PPARGC1A: variants seen among roughly 807,000 people sequenced by gnomAD.
PPARGC1A encodes peroxisome proliferator-activated receptor gamma coactivator 1-alpha.
In PPARGC1A, 25 loss-of-function variants were observed where a neutral mutation model predicts 88.7. The ratio of observed to expected loss-of-function variants is 0.28; its 90% confidence interval spans 0.21 to 0.39. PPARGC1A has a LOEUF of 0.39. PPARGC1A is among the 10% of genes least tolerant of loss of function. The pLI, the probability that PPARGC1A is intolerant of heterozygous loss-of-function variation, is 1.00. For synonymous variants in PPARGC1A, 363 were observed against 355.6 expected (o/e 1.02, Z -0.24); for missense variants, 880 against 968.7 (o/e 0.91, Z 1.22).
At chr4:23,855,164 T>C (rs2148681611) in intron 2 of PPARGC1A, among the ~76,000 whole-genome samples, 1 of 152,280 alleles carries the variant, frequency 6.6e-6, no homozygotes, top group African/African-American at 2.4e-5. Context: ...TTTCACCTCC[T>C]GCCACAATTG....
At chr4:23,981,355 T>C in the PPARGC1A span, among the ~76,000 whole-genome samples, 4 of 152,150 alleles carry the variant, frequency 2.6e-5, no homozygotes, top group African/African-American at 9.7e-5. Context: ...GTTCTTTACT[T>C]TTCAACTTAG....
At chr4:24,251,483 C>T in the PPARGC1A span, among the ~76,000 whole-genome samples, 1 of 152,198 alleles carries the variant, frequency 6.6e-6, no homozygotes, top group South Asian at 2.1e-4. Flanking sequence ...CTTTTGCCTC[C>T]CTTTTCCTGC....
At chr4:24,394,992 G>T in the PPARGC1A span, among the ~76,000 whole-genome samples, 1 of 152,200 alleles carries the variant, frequency 6.6e-6, no homozygotes, top group African/African-American at 2.4e-5. Flanking sequence ...TATAACTAGA[G>T]CTATAAATTG....
the PPARGC1A span, among the ~76,000 whole-genome samples, chr4:24,279,747 C>G: frequency 6.6e-6 from 1 of 152,154 alleles, no homozygotes; most frequent in Admixed American, 6.5e-5. Context: ...GTCACGCTCT[C>G]GGCTGGCATG....
the PPARGC1A span, among the ~76,000 whole-genome samples, chr4:24,339,228 A>G: frequency 8.1e-5 from 7 of 86,860 alleles, no homozygotes; most frequent in African/African-American, 2.2e-4. Context: ...ATATATATAT[A>G]TATATATATA....
the PPARGC1A span, among the ~76,000 whole-genome samples, chr4:24,291,570 A>G: frequency 7.2e-5 from 11 of 152,136 alleles, no homozygotes; most frequent in African/African-American, 2.7e-4. Context: ...ATCCTCAAGT[A>G]TGGGAACACT....
chr4:23,950,345 A>G, the PPARGC1A span, among the ~76,000 whole-genome samples: 2 of 151,612 alleles, frequency 1.3e-5, no homozygotes, highest in Non-Finnish European at 2.9e-5. Flanking sequence ...TCCCAAACCA[A>G]CTCCTGGTAA....
At chr4:24,033,062 A>T in the PPARGC1A span, among the ~76,000 whole-genome samples, 1 of 152,204 alleles carries the variant, frequency 6.6e-6, no homozygotes, top group Non-Finnish European at 1.5e-5. Context: ...TCAGAAGAGG[A>T]TGTGGTCCAA....
At chr4:24,221,492 C>G in the PPARGC1A span, among the ~76,000 whole-genome samples, 1 of 152,146 alleles carries the variant, frequency 6.6e-6, no homozygotes, top group Non-Finnish European at 1.5e-5. Context: ...CTTAGTCATT[C>G]AACTGAATTA....
At chr4:24,044,146 G>A in the PPARGC1A span, among the ~76,000 whole-genome samples, 1 of 152,338 alleles carries the variant, frequency 6.6e-6, no homozygotes, top group Admixed American at 6.5e-5. Flanking sequence ...CCTTCAAGAA[G>A]ATGGCAGTTG....
At chr4:23,923,051 G>A in the PPARGC1A span, among the ~76,000 whole-genome samples, 1 of 150,846 alleles carries the variant, frequency 6.6e-6, no homozygotes, top group African/African-American at 2.4e-5. Flanking sequence ...CTCTGATGCT[G>A]TACAACCCCA....
At chr4:24,164,563 TAC>T in the PPARGC1A span, among the ~76,000 whole-genome samples, 7,736 of 152,062 alleles carry the variant, frequency 0.051, 569 homozygotes, top group African/African-American at 0.16. Flanking sequence ...CATGTATATA[TAC>T]ACACACACAC....
intron 1 of PPARGC1A, chr4:23,889,260 A>G (rs1225829466): frequency 1.3e-5 from 13 of 985,308 alleles, no homozygotes; most frequent in African/African-American, 1.7e-5. Flanking sequence ...CCTGCCACCG[A>G]CGCGAACGGA....
the PPARGC1A span, among the ~76,000 whole-genome samples, chr4:24,063,821 C>A: frequency 6.6e-6 from 1 of 152,128 alleles, no homozygotes; most frequent in Non-Finnish European, 1.5e-5. Flanking sequence ...TTACTGGTGA[C>A]CTCGTTCAAT....
the PPARGC1A span, among the ~76,000 whole-genome samples, chr4:23,921,830 A>C: frequency 6.6e-6 from 1 of 152,292 alleles, no homozygotes; most frequent in South Asian, 2.1e-4. Flanking sequence ...GTTTAAAAGG[A>C]AACATGGCAT....
chr4:24,246,812 C>T, the PPARGC1A span, among the ~76,000 whole-genome samples: 1 of 152,142 alleles, frequency 6.6e-6, no homozygotes, highest in Non-Finnish European at 1.5e-5. Flanking sequence ...CCATGGGGAA[C>T]CTGCTCTAGA....
chr4:24,017,159 T>C, the PPARGC1A span, among the ~76,000 whole-genome samples: 1 of 152,192 alleles, frequency 6.6e-6, no homozygotes, highest in Non-Finnish European at 1.5e-5. Context: ...AGAGGTTAAA[T>C]CTTCTGATCT....
chr4:24,465,270 C>T, the PPARGC1A span, among the ~76,000 whole-genome samples: 366 of 152,278 alleles, frequency 2.4e-3, 1 homozygote, highest in African/African-American at 8.5e-3. Context: ...GTTGAAATAA[C>T]GATCTTCATG....
the PPARGC1A span, among the ~76,000 whole-genome samples, chr4:24,217,376 C>T: frequency 6.6e-6 from 1 of 152,180 alleles, no homozygotes; most frequent in African/African-American, 2.4e-5. Flanking sequence ...TAGAAGTGGG[C>T]CCCAAAGACA....
Sources: allele counts gnomAD v4.1 joint callset (sites outside exome capture counted in the v4.1 genomes callset), GRCh38; gene constraint gnomAD v4.1.1; transcripts MANE v1.5; gene names NCBI Gene and HGNC (gene_info 2026-07-23, HGNC 2026-07-21).